The following STMN4 variants were observed in gnomAD, a reference collection of about 807,000 sequenced individuals.
STMN4 encodes stathmin-4.
In STMN4, 12 loss-of-function variants were observed where a neutral mutation model predicts 29.1. The observed-to-expected ratio is 0.41, with a 90% CI of 0.26 to 0.67. STMN4 has a LOEUF of 0.67. STMN4 is among the 30% of genes least tolerant of loss of function. The pLI, the probability that STMN4 is intolerant of heterozygous loss-of-function variation, is 0.30. For synonymous variants in STMN4, 114 were observed against 105.3 expected (o/e 1.08, Z -0.51); for missense variants, 181 against 262.8 (o/e 0.69, Z 2.15).
intron 4 of STMN4, 109 bp from the exon 5 acceptor site, chr8:27,241,371 T>C: frequency 7.5e-7 from 1 of 1,325,668 alleles, no homozygotes; most frequent in Non-Finnish European, 1.1e-6. Context: ...CCAAGCAAGC[T>C]GGAGACTGGG....
chr8:27,243,866 G>GTCTT, intron 1 of STMN4, 65 bp from the exon 2 acceptor site: 1 of 1,437,826 alleles, frequency 7.0e-7, no homozygotes, highest in Non-Finnish European at 9.7e-7. Flanking sequence ...CATAAGAAAG[G>GTCTT]TCTTTATACA....
intron 1 of STMN4, among the ~76,000 whole-genome samples, chr8:27,255,512 T>C (rs896217952): frequency 6.6e-6 from 1 of 152,242 alleles, no homozygotes; most frequent in South Asian, 2.1e-4. Context: ...TATCCTATTA[T>C]TTAAAAGCAA....
chr8:27,243,556 C>T (rs1801537326), intron 2 of STMN4, among the ~76,000 whole-genome samples, 155 bp downstream of exon 2: 1 of 152,156 alleles, frequency 6.6e-6, no homozygotes, highest in East Asian at 2.0e-4. Context: ...CCCGCCACTG[C>T]CTGCATGCCC....
rs1563412790 is a variant in STMN4, at chr8:27,240,094, C to G, written c.468G>C (p.Lys156Asn). 6.2e-7 allele frequency: 1 copy of G among 1,614,174 alleles called. No individual in the cohort carries two copies. The highest frequency in any genetic ancestry group is 8.5e-7 in the Non-Finnish European group (1 of 1,180,044). ...KREHEREVIQ[K>N]AIEENNNFIK... ...TGAAGTTGTTGTTTTCCTCAATGGC[C>G]TTTTGGATCACCTCTCTCTCATGTT... Residue 156 changes from lysine (K) to asparagine (N), a missense_variant, in exon 6 of 7, where the codon AAG (lysine) becomes AAC (asparagine). By Grantham distance (94) the Lys-to-Asn change is moderately conservative. Coordinates refer to ENST00000350889, the MANE Select transcript of STMN4 (RefSeq NM_030795.4).
chr8:27,257,977 C>A (rs1801991701), intron 1 of STMN4, among the ~76,000 whole-genome samples: 1 of 152,192 alleles, frequency 6.6e-6, no homozygotes, highest in South Asian at 2.1e-4. Context: ...GAGAGCTTCC[C>A]ACTTGAAAGG....
intron 1 of STMN4, among the ~76,000 whole-genome samples, chr8:27,247,749 T>C (rs552315718): frequency 1.3e-5 from 2 of 152,198 alleles, no homozygotes; most frequent in East Asian, 3.9e-4. Flanking sequence ...GGTGGCATGA[T>C]GAAGATGAAG....
intron 5 of STMN4, among the ~76,000 whole-genome samples, chr8:27,240,373 C>T (rs965742458): frequency 1.3e-5 from 2 of 152,196 alleles, no homozygotes; most frequent in African/African-American, 4.8e-5. Context: ...CAGCCTTTTC[C>T]TAAATACCTT....
intron 1 of STMN4, among the ~76,000 whole-genome samples, chr8:27,257,298 T>G (rs919500182): frequency 1.3e-5 from 2 of 152,052 alleles, no homozygotes; most frequent in Non-Finnish European, 2.9e-5. Flanking sequence ...GATTCCCTCA[T>G]ATTCCCTCTC....
At chr8:27,242,586 C>G in intron 2 of STMN4, 94 bp from the exon 3 acceptor site, 1 of 1,290,346 alleles carries the variant, frequency 7.7e-7, no homozygotes, top group South Asian at 1.3e-5. Flanking sequence ...GCCCAGGGTT[C>G]CATAAAGGCA....
At chr8:27,238,982 C>T (rs1801387630) in intron 6 of STMN4, among the ~76,000 whole-genome samples, 1 of 152,260 alleles carries the variant, frequency 6.6e-6, no homozygotes, top group Admixed American at 6.5e-5. Context: ...GTCATCCCTC[C>T]ATAACTGGAG....
chr8:27,251,419 G>A (rs1037864521), intron 1 of STMN4, among the ~76,000 whole-genome samples: 1 of 151,604 alleles, frequency 6.6e-6, no homozygotes, highest in African/African-American at 2.4e-5. Flanking sequence ...GGCTGCTGGA[G>A]AGTGTGCAAG....
At chr8:27,239,842 T>C in intron 6 of STMN4, 129 bp downstream of exon 6, 1 of 1,556,932 alleles carries the variant, frequency 6.4e-7, no homozygotes. Flanking sequence ...AGATCCTGCC[T>C]AAGAAAAAGA....
At chr8:27,243,549 G>A (rs545500194) in intron 2 of STMN4, among the ~76,000 whole-genome samples, 162 bp downstream of exon 2, 14 of 151,736 alleles carry the variant, frequency 9.2e-5, no homozygotes, top group Non-Finnish European at 7.4e-5. Flanking sequence ...TGTGCCTCCC[G>A]CCACTGCCTG....
intron 1 of STMN4, among the ~76,000 whole-genome samples, chr8:27,253,179 G>C (rs1801842002): frequency 6.6e-6 from 1 of 152,216 alleles, no homozygotes; most frequent in Non-Finnish European, 1.5e-5. Flanking sequence ...GTCTCAGAGA[G>C]AACAGAGCCA....
intron 1 of STMN4, among the ~76,000 whole-genome samples, chr8:27,245,318 T>C (rs910762979): frequency 1.3e-5 from 2 of 152,218 alleles, no homozygotes; most frequent in African/African-American, 4.8e-5. Context: ...GACCCACAAG[T>C]AAGGACTGTT....
At chr8:27,241,357 G>A (rs546498733) in intron 4 of STMN4, 95 bp from the exon 5 acceptor site, 46 of 1,513,630 alleles carry the variant, frequency 3.0e-5, no homozygotes, top group South Asian at 7.2e-5. Context: ...GGAGAACTGG[G>A]GCCCCAAGCA....
At chr8:27,250,739 C>T (rs528697574) in intron 1 of STMN4, among the ~76,000 whole-genome samples, 1 of 152,288 alleles carries the variant, frequency 6.6e-6, no homozygotes, top group African/African-American at 2.4e-5. Context: ...TGGACAAGGG[C>T]AACTCCCAGA....
At chr8:27,252,639 C>A (rs906975065) in intron 1 of STMN4, among the ~76,000 whole-genome samples, 2 of 152,198 alleles carry the variant, frequency 1.3e-5, no homozygotes, top group African/African-American at 2.4e-5. Context: ...ATCTTATACA[C>A]ACTTAATAGA....
intron 1 of STMN4, among the ~76,000 whole-genome samples, chr8:27,247,358 A>C (rs1193549132): frequency 1.3e-5 from 2 of 152,162 alleles, no homozygotes; most frequent in Non-Finnish European, 2.9e-5. Context: ...TTTGCACTCA[A>C]GACCCAAAAG....
Sources: allele counts gnomAD v4.1 joint callset (sites outside exome capture counted in the v4.1 genomes callset), GRCh38; gene constraint gnomAD v4.1.1; transcripts MANE v1.5; gene names NCBI Gene and HGNC (gene_info 2026-07-23, HGNC 2026-07-21).